PRKCA: variants seen among roughly 807,000 people sequenced by gnomAD.
The protein encoded by PRKCA is protein kinase C alpha.
In PRKCA, 27 loss-of-function variants were observed where a neutral mutation model predicts 87.0. The observed-to-expected ratio is 0.31, with a 90% CI of 0.23 to 0.43. The LOEUF is 0.43. Among genes scored for constraint, PRKCA ranks in the 20% least tolerant of loss-of-function variants. The pLI is 1.00. For missense variants in PRKCA, 518 were observed against 852.3 expected, an observed-to-expected ratio of 0.61 and a Z score of 4.88; for synonymous variants, 329 against 311.1, an observed-to-expected ratio of 1.06 and a Z score of -0.61.
Position 66,694,049 on chromosome 17 carries a change from A to G in PRKCA, c.918+5002A>G, listed in dbSNP as rs117491767. ...TTTTCTATTAGTTATAAATAGAACT[A>G]ATATCCTGATACGATAGGATATTAG... On this transcript the variant is annotated intron_variant, in intron 8 of 16. Transcript: ENST00000413366. 9.8e-3 allele frequency among the ~76,000 whole-genome samples: 1,491 copies of G among 152,338 alleles called. 2 individuals are homozygous for G. The highest frequency in any genetic ancestry group is 0.016 in the Non-Finnish European group (1,086 of 68,030).
chr17:66,531,444 T>G (rs1296755406), intron 3 of PRKCA, among the ~76,000 whole-genome samples: 1 of 152,110 alleles, frequency 6.6e-6, no homozygotes, highest in Admixed American at 6.5e-5. Flanking sequence ...TTGCCAGAAC[T>G]CCCCCATTGA....
rs537144645 is a variant in PRKCA, at chr17:66,461,539, A to G, written c.206-34662A>G. 2.0e-5 allele frequency among the ~76,000 whole-genome samples: 3 copies of G among 152,252 alleles called. No individual in the cohort carries two copies. The Middle Eastern group carries it at 0.01, about 518-fold the overall frequency. On this transcript the variant is annotated intron_variant, in intron 2 of 16. Transcript: ENST00000413366. ...GACCTCAGATTTCAGTGCTATGATA[A>G]TTCCCCTAGTTATCTCCTAATTCTG...
intron 3 of PRKCA, among the ~76,000 whole-genome samples, chr17:66,497,831 G>A (rs1022142582): frequency 2.0e-5 from 3 of 152,160 alleles, no homozygotes; most frequent in African/African-American, 4.8e-5. Flanking sequence ...GAGGGATTCC[G>A]ATTTGCGTTG....
intron 13 of PRKCA, among the ~76,000 whole-genome samples, chr17:66,749,749 C>G (rs994124801): frequency 6.6e-6 from 1 of 152,104 alleles, no homozygotes; most frequent in African/African-American, 2.4e-5. Flanking sequence ...GGGGAGACAC[C>G]GCAGGAGGAC....
At chr17:66,631,050 A>T (rs2143746435) in intron 3 of PRKCA, among the ~76,000 whole-genome samples, 1 of 152,306 alleles carries the variant, frequency 6.6e-6, no homozygotes, top group African/African-American at 2.4e-5. Context: ...TGAGCCGTTG[A>T]GTACTCTGCC....
At chr17:66,645,782 G>A (rs879822522) in intron 5 of PRKCA, among the ~76,000 whole-genome samples, 1 of 152,180 alleles carries the variant, frequency 6.6e-6, no homozygotes, top group Non-Finnish European at 1.5e-5. Flanking sequence ...TATTCTGACA[G>A]CATGGCCCGT....
chr17:66,683,469 A>T (rs1598871288), intron 5 of PRKCA, among the ~76,000 whole-genome samples: 1 of 151,944 alleles, frequency 6.6e-6, no homozygotes, highest in East Asian at 1.9e-4. Context: ...AGTAGATCTG[A>T]CTCTCTGAAG....
intron 3 of PRKCA, among the ~76,000 whole-genome samples, chr17:66,577,684 A>G (rs1352836789): frequency 6.6e-6 from 1 of 152,156 alleles, no homozygotes; most frequent in Admixed American, 6.5e-5. Flanking sequence ...ATATCTTTTT[A>G]AAAATACATT....
intron 5 of PRKCA, among the ~76,000 whole-genome samples, chr17:66,670,111 C>G (rs1972137633): frequency 1.3e-5 from 2 of 152,188 alleles, no homozygotes; most frequent in African/African-American, 4.8e-5. Flanking sequence ...CTCACCCAGC[C>G]AAGTTGCCAG....
chr17:66,762,301 G>T (rs1974703370), intron 13 of PRKCA, among the ~76,000 whole-genome samples: 1 of 152,082 alleles, frequency 6.6e-6, no homozygotes, highest in Non-Finnish European at 1.5e-5. Context: ...CTAATGTTAG[G>T]CAGTATGGAG....
chr17:66,321,582 C>T (rs764633000), intron 2 of PRKCA, among the ~76,000 whole-genome samples: 7 of 152,200 alleles, frequency 4.6e-5, no homozygotes, highest in East Asian at 1.9e-4. Context: ...CTTGCTCTGT[C>T]GTCTATGCTG....
chr17:66,470,190 CTTTTT>C (rs546468555), intron 2 of PRKCA, among the ~76,000 whole-genome samples: 3 of 101,470 alleles, frequency 3.0e-5, no homozygotes, highest in East Asian at 3.0e-4. Flanking sequence ...AACCAGTTTG[CTTTTT>C]TTTTTTTTTT....
intron 3 of PRKCA, among the ~76,000 whole-genome samples, chr17:66,627,815 A>G (rs1210259349): frequency 6.6e-6 from 1 of 152,264 alleles, no homozygotes; most frequent in Non-Finnish European, 1.5e-5. Context: ...ATCCCCCCCC[A>G]AAAAATTGAA....
chr17:66,791,353 G>A (rs1030202568), intron 16 of PRKCA, among the ~76,000 whole-genome samples: 2 of 152,156 alleles, frequency 1.3e-5, no homozygotes, highest in Non-Finnish European at 2.9e-5. Flanking sequence ...TCAGGCAGAA[G>A]CCCGTGTTCT....
intron 2 of PRKCA, among the ~76,000 whole-genome samples, chr17:66,400,688 G>T (rs1038305908): frequency 2.0e-5 from 3 of 152,148 alleles, no homozygotes; most frequent in African/African-American, 7.2e-5. Context: ...TTTTTGAGGG[G>T]CTTCTGTACA....
intron 2 of PRKCA, among the ~76,000 whole-genome samples, chr17:66,379,030 T>G (rs1909638025): frequency 6.6e-6 from 1 of 152,198 alleles, no homozygotes; most frequent in Non-Finnish European, 1.5e-5. Flanking sequence ...TATGGCTTAA[T>G]AGTAATTGAT....
chr17:66,702,364 A>T (rs1973085522), intron 8 of PRKCA, among the ~76,000 whole-genome samples: 1 of 152,134 alleles, frequency 6.6e-6, no homozygotes. Flanking sequence ...TTATATGTGG[A>T]ATCTTAAGAA....
intron 13 of PRKCA, among the ~76,000 whole-genome samples, chr17:66,767,719 G>A (rs1029755331): frequency 5.3e-5 from 8 of 152,120 alleles, no homozygotes; most frequent in African/African-American, 1.9e-4. Context: ...TAGAATCACA[G>A]TGACAGGAGG....
At chr17:66,778,108 C>T (rs545067357) in intron 14 of PRKCA, 425 of 985,320 alleles carry the variant, frequency 4.3e-4, no homozygotes, top group Admixed American at 1.9e-3. Flanking sequence ...CAGGCTCCAG[C>T]TCTCAATAGT....
Sources: allele counts gnomAD v4.1 joint callset (sites outside exome capture counted in the v4.1 genomes callset), GRCh38; gene constraint gnomAD v4.1.1; transcripts MANE v1.5; gene names NCBI Gene and HGNC (gene_info 2026-07-23, HGNC 2026-07-21).